Variants in RAD51C observed in about 807,000 individuals in gnomAD.
RAD51C encodes the protein DNA repair protein RAD51 homolog 3.
Under a neutral mutation model 45.0 loss-of-function variants are expected in RAD51C, and 42 were observed. The observed-to-expected ratio is 0.93, with a 90% CI of 0.73 to 1.21. The LOEUF (loss-of-function observed/expected upper bound fraction) is 1.21. RAD51C is among the 50% of genes most tolerant of loss of function. The pLI is 0.00. For synonymous variants in RAD51C, 172 were observed against 159.8 expected (o/e 1.08, Z -0.58); for missense variants, 474 against 452.2 (o/e 1.05, Z -0.44).
intron 1 of RAD51C, chr17:58,693,587 CTG>C (rs1450595419): frequency 1.3e-5 from 2 of 152,184 alleles, no homozygotes; most frequent in Non-Finnish European, 2.9e-5. Flanking sequence ...CGCGCGCAGA[CTG>C]TGTCCCCCAA....
At chr17:58,730,456 C>T (rs965928037) in intron 7 of RAD51C, among the ~76,000 whole-genome samples, 30 of 151,550 alleles carry the variant, frequency 2.0e-4, no homozygotes, top group Admixed American at 1.9e-3. Context: ...GGATTACAGG[C>T]GTGAGCCACC....
intron 7 of RAD51C, among the ~76,000 whole-genome samples, chr17:58,729,213 T>A (rs2049299572): frequency 6.6e-6 from 1 of 152,172 alleles, no homozygotes; most frequent in Admixed American, 6.5e-5. Flanking sequence ...ATGATTTTTT[T>A]GTTTTGTTTG....
intron 5 of RAD51C, among the ~76,000 whole-genome samples, 184 bp downstream of exon 5, chr17:58,710,174 T>TA (rs1353091866): frequency 6.6e-6 from 1 of 151,812 alleles, no homozygotes; most frequent in Admixed American, 6.6e-5. Flanking sequence ...TCCTGGAAAA[T>TA]AACAAGCATA....
At chr17:58,701,100 C>T (rs1227720598) in intron 3 of RAD51C, among the ~76,000 whole-genome samples, 1 of 151,938 alleles carries the variant, frequency 6.6e-6, no homozygotes, top group Non-Finnish European at 1.5e-5. Flanking sequence ...GGAGTTTCAC[C>T]ATGTTGCCCA....
intron 4 of RAD51C, among the ~76,000 whole-genome samples, chr17:58,708,702 G>GA (rs544917354): frequency 1.4e-3 from 118 of 84,574 alleles, no homozygotes; most frequent in African/African-American, 2.0e-3. Context: ...TTTTTGCTTT[G>GA]GGGGGGGCTT....
chr17:58,728,105 CA>C (rs1197003379), intron 7 of RAD51C, among the ~76,000 whole-genome samples: 1 of 151,614 alleles, frequency 6.6e-6, no homozygotes, highest in Admixed American at 6.6e-5. Context: ...ATTAGCCAGG[CA>C]TGGTGGCGGG....
chr17:58,712,268 C>T (rs2048580808), intron 5 of RAD51C, among the ~76,000 whole-genome samples: 1 of 148,714 alleles, frequency 6.7e-6, no homozygotes, highest in African/African-American at 2.5e-5. Flanking sequence ...TCATTTGAAC[C>T]CAGAAGGCGG....
At chr17:58,696,541 A>T in intron 2 of RAD51C, 152 bp from the exon 3 acceptor site, 1 of 852,554 alleles carries the variant, frequency 1.2e-6, no homozygotes, top group Admixed American at 2.0e-5. Flanking sequence ...TTATATCTGG[A>T]GTCATGAAGA....
Position 58,734,316 on chromosome 17 carries a change from C to T in RAD51C, c.*94C>T, listed in dbSNP as rs1047375446. ...TTACCTTAAAGTATAAATAAACACA[C>T]TATGGCATGAATGAATCCAGATCAT... On this transcript the variant is annotated 3_prime_UTR_variant, in exon 9 of 9. Coordinates refer to ENST00000337432, the MANE Select transcript of RAD51C (RefSeq NM_058216.3). 11 of 1,542,530 alleles carry T rather than the reference C, an allele frequency of 7.1e-6. No homozygotes were observed. In the African/African-American group the frequency reaches 1.1e-4, roughly 15 times the overall value.
At chr17:58,726,150 C>T (rs1236174252) in intron 7 of RAD51C, among the ~76,000 whole-genome samples, 1 of 151,242 alleles carries the variant, frequency 6.6e-6, no homozygotes, top group Non-Finnish European at 1.5e-5. Flanking sequence ...TTTTCATACT[C>T]TCATTTTAGT....
chr17:58,695,304 G>A (rs933039600), intron 2 of RAD51C, 115 bp downstream of exon 2: 10 of 1,442,554 alleles, frequency 6.9e-6, no homozygotes, highest in Non-Finnish European at 9.1e-6. Flanking sequence ...AATTTTAAGT[G>A]TGTATGTGCA....
intron 1 of RAD51C, 106 bp from the exon 2 acceptor site, chr17:58,694,825 A>G (rs1279318171): frequency 1.7e-5 from 18 of 1,086,444 alleles, no homozygotes; most frequent in Non-Finnish European, 2.4e-5. Flanking sequence ...ATGTTTCTCC[A>G]CTCCTAGCAT....
chr17:58,720,618 G>A, intron 5 of RAD51C, 128 bp from the exon 6 acceptor site: 4 of 686,372 alleles, frequency 5.8e-6, no homozygotes, highest in Non-Finnish European at 5.2e-6. Flanking sequence ...GATTACAGGT[G>A]CATGCCACCA....
In RAD51C at chr17:58,701,537, C is replaced by T. The variant is rs961506015; in HGVS notation, c.572-1659C>T. On this transcript the variant is annotated intron_variant, in intron 3 of 8. Coordinates refer to ENST00000337432, the MANE Select transcript of RAD51C (RefSeq NM_058216.3). ...AAATGAAAAAGAAAAAATGCAGTAA[C>T]TGATTGGTTTCTCTCTGAAATATGT... Among the ~76,000 whole-genome samples, 19 of 150,534 alleles carry T rather than the reference C, an allele frequency of 1.3e-4. 1 individual carries two copies. The highest frequency in any genetic ancestry group is 1.2e-3 in the Admixed American group (18 of 15,068).
chr17:58,715,736 G>A (rs1260781238), intron 5 of RAD51C, among the ~76,000 whole-genome samples: 1 of 152,040 alleles, frequency 6.6e-6, no homozygotes, highest in African/African-American at 2.4e-5. Context: ...CTGTTCATTG[G>A]TTGAAGGACA....
intron 3 of RAD51C, chr17:58,699,944 G>C (rs1249665754): frequency 1.3e-5 from 2 of 152,116 alleles, no homozygotes; most frequent in Non-Finnish European, 2.9e-5. Context: ...TCACCTCCCA[G>C]GTTCAAGCGA....
At chr17:58,722,513 G>A (rs2048953342) in intron 6 of RAD51C, among the ~76,000 whole-genome samples, 1 of 152,162 alleles carries the variant, frequency 6.6e-6, no homozygotes, top group Non-Finnish European at 1.5e-5. Flanking sequence ...GCCCTGTTGT[G>A]TAGTGCAGCA....
Position 58,703,277 on chromosome 17 carries a change from A to C in RAD51C, c.653A>C (p.Glu218Ala). 6.2e-7 allele frequency: 1 copy of C among 1,609,986 alleles called. No individual in the cohort carries two copies. Among genetic ancestry groups the C allele is most frequent in the South Asian group, 1.1e-5 (1 of 90,986 alleles). The change falls in exon 4 of 9, where the codon GAG becomes GCG. Residue 218 changes from glutamate to alanine, a missense_variant. Transcript: ENST00000337432. ...IYYFRCRDYTELLAQVYLLPD... is the reference protein window; with the variant it reads ...IYYFRCRDYTALLAQVYLLPD... Reference sequence around the variant, plus strand: ...TATTTTCGCTGTCGTGACTACACAGAGTTACTGGCACAAGTTTATCTTCTT... The same window carrying C: ...TATTTTCGCTGTCGTGACTACACAGCGTTACTGGCACAAGTTTATCTTCTT...
chr17:58,732,612 A>G (rs1437897953), intron 8 of RAD51C, 68 bp downstream of exon 8: 2 of 1,481,960 alleles, frequency 1.3e-6, no homozygotes, highest in African/African-American at 1.4e-5. Flanking sequence ...GAGAGAATTT[A>G]CAACTTGCTT....
Sources: gnomAD v4.1 joint callset for allele counts (sites outside exome capture counted in the v4.1 genomes callset) on GRCh38, gnomAD v4.1.1 for gene constraint, MANE v1.5 for transcripts, NCBI Gene and HGNC (gene_info 2026-07-23, HGNC 2026-07-21) for gene names.